WAC: variants seen among roughly 807,000 people sequenced by gnomAD.
WAC encodes WW domain-containing adapter protein with coiled-coil.
WAC carries 11 observed loss-of-function variants against 79.6 expected under a neutral mutation model. The ratio of observed to expected loss-of-function variants is 0.14; its 90% CI spans 0.09 to 0.23. WAC has a LOEUF of 0.23. WAC is among the 10% of genes least tolerant of loss of function. The pLI, the probability that WAC is intolerant of heterozygous loss-of-function variation, is 1.00. For missense variants in WAC, 728 were observed against 773.5 expected (o/e 0.94, Z 0.70); for synonymous variants, 304 against 276.9 (o/e 1.10, Z -0.97).
intron 3 of WAC, among the ~76,000 whole-genome samples, chr10:28,574,738 C>G (rs968415006): frequency 1.3e-5 from 2 of 152,166 alleles, no homozygotes; most frequent in African/African-American, 4.8e-5. Flanking sequence ...GCCACTGTGC[C>G]CAGCCAAGAA....
At chr10:28,585,431 G>A (rs1045456697) in intron 4 of WAC, among the ~76,000 whole-genome samples, 2 of 152,172 alleles carry the variant, frequency 1.3e-5, no homozygotes, top group Non-Finnish European at 2.9e-5. Flanking sequence ...CCCAGCTCTA[G>A]CATCACAGAG....
At chr10:28,609,843 C>G (rs953939511) in intron 8 of WAC, among the ~76,000 whole-genome samples, 6 of 151,790 alleles carry the variant, frequency 4.0e-5, no homozygotes, top group African/African-American at 1.5e-4. Context: ...AACCCTGTCT[C>G]CAAAATAAAT....
At chr10:28,578,148 TC>T (rs1284510687) in intron 3 of WAC, among the ~76,000 whole-genome samples, 1 of 152,026 alleles carries the variant, frequency 6.6e-6, no homozygotes, top group Non-Finnish European at 1.5e-5. Context: ...AACTGAGAGA[TC>T]CTGTCTCAAA....
chr10:28,571,210 G>A (rs953824989), intron 3 of WAC, among the ~76,000 whole-genome samples: 2 of 152,016 alleles, frequency 1.3e-5, no homozygotes, highest in African/African-American at 2.4e-5. Flanking sequence ...AATTACAGGC[G>A]TGAGCCACCA....
At chr10:28,565,133 G>C (rs1310601050) in intron 3 of WAC, among the ~76,000 whole-genome samples, 1 of 152,064 alleles carries the variant, frequency 6.6e-6, no homozygotes, top group Non-Finnish European at 1.5e-5. Flanking sequence ...AAATTGCCTT[G>C]AAAACCATCC....
chr10:28,566,280 C>G (rs1241430299), intron 3 of WAC, among the ~76,000 whole-genome samples: 1 of 151,886 alleles, frequency 6.6e-6, no homozygotes, highest in Non-Finnish European at 1.5e-5. Flanking sequence ...TGTGCATATG[C>G]TGGGAGTAGG....
At chr10:28,575,214 G>C (rs191378304) in intron 3 of WAC, among the ~76,000 whole-genome samples, 134 of 152,258 alleles carry the variant, frequency 8.8e-4, no homozygotes, top group African/African-American at 3.1e-3. Context: ...CCCAGGTACT[G>C]AGCATAGTGC....
chr10:28,589,026 C>G (rs1839965915), intron 4 of WAC: 1 of 152,178 alleles, frequency 6.6e-6, no homozygotes, highest in South Asian at 2.1e-4. Flanking sequence ...TTCGTGGAAA[C>G]TAGACCTTTC....
chr10:28,568,008 G>T (rs1457504741), intron 3 of WAC, among the ~76,000 whole-genome samples: 2 of 152,224 alleles, frequency 1.3e-5, no homozygotes, highest in Non-Finnish European at 2.9e-5. Flanking sequence ...AAAGCACTGG[G>T]ATTACAGGCC....
intron 4 of WAC, among the ~76,000 whole-genome samples, chr10:28,584,922 T>C (rs1477634157): frequency 2.0e-5 from 3 of 151,980 alleles, no homozygotes; most frequent in Admixed American, 6.6e-5. Context: ...ACAAAAGTTA[T>C]CCTGGCATGG....
chr10:28,586,701 T>A (rs1839836363), intron 4 of WAC, among the ~76,000 whole-genome samples: 1 of 151,800 alleles, frequency 6.6e-6, no homozygotes. Context: ...ATAATAATAA[T>A]AAAAGGTAAA....
chr10:28,563,742 A>AG (rs1838426169), intron 3 of WAC, among the ~76,000 whole-genome samples: 2 of 67,002 alleles, frequency 3.0e-5, no homozygotes, highest in African/African-American at 9.0e-5. Context: ...GCCTACACCC[A>AG]GCTTTTTTTT....
chr10:28,596,772 C>G (rs1236447950), intron 7 of WAC, among the ~76,000 whole-genome samples: 1 of 152,060 alleles, frequency 6.6e-6, no homozygotes, highest in Non-Finnish European at 1.5e-5. Context: ...ACAGGTAGAT[C>G]CATTAGCAGA....
chr10:28,543,815 CATGCCATAAAATA>C, intron 3 of WAC, among the ~76,000 whole-genome samples: 2 of 152,214 alleles, frequency 1.3e-5, no homozygotes, highest in Non-Finnish European at 2.9e-5. Context: ...AAAACATTCT[CATGCCATAAAATA>C]ATTAGTATTC....
intron 3 of WAC, among the ~76,000 whole-genome samples, chr10:28,563,907 A>G (rs1408045521): frequency 1.3e-5 from 2 of 151,828 alleles, no homozygotes; most frequent in Non-Finnish European, 2.9e-5. Context: ...CTTAGTATAC[A>G]GTATTTTTAA....
chr10:28,533,463 C>T lies in WAC; in HGVS notation c.-117C>T, dbSNP rs1836389169. 2.2e-6 allele frequency: 1 copy of T among 458,880 alleles called. No individual in the cohort carries two copies. 28.4% of individuals were successfully genotyped at this position (458,880 alleles called of 1,614,324 possible). On this transcript the variant is annotated 5_prime_UTR_variant, in exon 1 of 14. Transcript: ENST00000354911. Reference sequence around the variant, plus strand: ...GAGCTGATGAGAGTCGCCGAGGGCGCGCCGGGCCCAGGTGCCGGGGCTGCC... The same window carrying T: ...GAGCTGATGAGAGTCGCCGAGGGCGTGCCGGGCCCAGGTGCCGGGGCTGCC...
At chr10:28,603,957 G>GTATGTATATATATATATATATATATATA (rs1335952514) in intron 7 of WAC, among the ~76,000 whole-genome samples, 2 of 3,296 alleles carry the variant, frequency 6.1e-4, no homozygotes, top group Admixed American at 7.2e-3. Flanking sequence ...ATATATGTAT[G>GTATGTATATATATATATATATATATATA]TATGTATATA....
At chr10:28,578,590 T>C (rs1422063789) in intron 3 of WAC, among the ~76,000 whole-genome samples, 1 of 152,160 alleles carries the variant, frequency 6.6e-6, no homozygotes, top group Non-Finnish European at 1.5e-5. Flanking sequence ...TCCCTACTCC[T>C]AATATCCTGG....
At chr10:28,535,527 T>G (rs1836598435) in intron 2 of WAC, 35 bp from the exon 3 acceptor site, 1 of 1,526,880 alleles carries the variant, frequency 6.5e-7, no homozygotes. Flanking sequence ...GTTTCAATTC[T>G]TTCTCTCTTT....
Sources: gnomAD v4.1 joint callset for allele counts (sites outside exome capture counted in the v4.1 genomes callset) on GRCh38, gnomAD v4.1.1 for gene constraint, MANE v1.5 for transcripts, NCBI Gene and HGNC (gene_info 2026-07-23, HGNC 2026-07-21) for gene names.